The following GPC5 variants were observed in gnomAD, a reference collection of about 807,000 sequenced individuals.
The protein encoded by GPC5 is glypican 5.
GPC5 carries 47 observed loss-of-function variants against 53.9 expected under a neutral mutation model. That is an observed-to-expected ratio of 0.87 (90% CI 0.69 to 1.11). GPC5 has a LOEUF of 1.11. GPC5 is among the 50% of genes most tolerant of loss of function. GPC5 has a pLI of 0.00. For synonymous variants in GPC5, 286 were observed against 263.3 expected, an observed-to-expected ratio of 1.09 and a Z score of -0.84; for missense variants, 748 against 713.1, an observed-to-expected ratio of 1.05 and a Z score of -0.56.
Position 91,693,837 on chromosome 13 carries a change from G to T in GPC5, c.976G>T (p.Ala326Ser). The T allele has an allele frequency of 6.2e-7, 1 of 1,610,952 alleles. No individual in the cohort carries two copies. Residue 326 changes from alanine to serine, a missense_variant, in exon 3 of 8, where the codon GCT becomes TCT. Ala to Ser is a moderately conservative substitution (Grantham distance 99). Transcript: ENST00000377067. ...GAACTTTCACTTGCTTGTTAATGAT[G>T]CTGTGTTACAGGCTCACCTCAATGG... is the stretch of plus-strand genomic sequence containing the variant. ...LLNFHLLVND[A>S]VLQAHLNGQK...
intron 5 of GPC5, among the ~76,000 whole-genome samples, chr13:91,880,489 A>G (rs1484588110): frequency 6.6e-6 from 1 of 151,982 alleles, no homozygotes; most frequent in Non-Finnish European, 1.5e-5. Context: ...TTGCTGTACC[A>G]TTTTGAAGTT....
chr13:91,630,996 T>C (rs1265745343), intron 2 of GPC5, among the ~76,000 whole-genome samples: 1 of 152,174 alleles, frequency 6.6e-6, no homozygotes, highest in Non-Finnish European at 1.5e-5. Context: ...TGTCCCTCTC[T>C]GCCTGATTCT....
At chr13:91,958,961 C>G (rs1180855182) in intron 6 of GPC5, among the ~76,000 whole-genome samples, 4 of 151,480 alleles carry the variant, frequency 2.6e-5, no homozygotes, top group African/African-American at 9.7e-5. Flanking sequence ...TAATAATGCA[C>G]CTTGAGTAAC....
chr13:91,444,823 T>C (rs1472710069), intron 1 of GPC5, among the ~76,000 whole-genome samples: 1 of 152,146 alleles, frequency 6.6e-6, no homozygotes, highest in Non-Finnish European at 1.5e-5. Flanking sequence ...CATTTAATGA[T>C]TGAGGGGGCA....
chr13:92,286,307 C>T (rs1360529760), intron 7 of GPC5, among the ~76,000 whole-genome samples: 2 of 152,144 alleles, frequency 1.3e-5, no homozygotes, highest in Non-Finnish European at 2.9e-5. Context: ...ACTAGTTCAA[C>T]CATTGTGGAA....
At chr13:91,962,947 C>T (rs778989484) in intron 6 of GPC5, among the ~76,000 whole-genome samples, 15 of 152,040 alleles carry the variant, frequency 9.9e-5, no homozygotes, top group Admixed American at 2.0e-4. Flanking sequence ...TACCTATGTT[C>T]TCTAGTTTGT....
intron 7 of GPC5, among the ~76,000 whole-genome samples, chr13:92,530,313 G>C (rs1037777113): frequency 1.3e-5 from 2 of 152,104 alleles, no homozygotes; most frequent in Non-Finnish European, 2.9e-5. Flanking sequence ...ATTAGGGTCA[G>C]GGTGGAGGGG....
At chr13:92,424,703 C>CT (rs1331441221) in intron 7 of GPC5, among the ~76,000 whole-genome samples, 1 of 151,124 alleles carries the variant, frequency 6.6e-6, no homozygotes, top group Admixed American at 6.6e-5. Flanking sequence ...TTTTTGATTA[C>CT]TTTTATTTAG....
At chr13:92,737,620 A>G (rs1888970958) in intron 7 of GPC5, among the ~76,000 whole-genome samples, 2 of 151,920 alleles carry the variant, frequency 1.3e-5, no homozygotes, top group Non-Finnish European at 2.9e-5. Context: ...GGCACAGAAA[A>G]TTTGTTTTTA....
At chr13:91,680,242 C>A (rs565599475) in intron 2 of GPC5, among the ~76,000 whole-genome samples, 6 of 152,060 alleles carry the variant, frequency 3.9e-5, no homozygotes, top group Non-Finnish European at 7.4e-5. Flanking sequence ...TGAGGTCAGG[C>A]GTTCTAGACC....
chr13:91,902,963 A>G (rs367971906), intron 5 of GPC5, among the ~76,000 whole-genome samples: 1 of 151,996 alleles, frequency 6.6e-6, no homozygotes, highest in African/African-American at 2.4e-5. Flanking sequence ...GCTTTTTAAC[A>G]TAATTTTATA....
chr13:92,045,901 A>C lies in GPC5; in HGVS notation c.1402-98929A>C, dbSNP rs565982401. ...ATTTGCCTCATTCCAGAGGCTATGA[A>C]TATTCAGTTTAAAATTTCACCAATG... On this transcript the variant is annotated intron_variant, in intron 6 of 7. Transcript: ENST00000377067. Among the ~76,000 whole-genome samples the C allele has an allele frequency of 3.9e-5, 6 of 152,244 alleles. No homozygotes were observed. In the East Asian group the frequency reaches 1.2e-3, roughly 29 times the overall value.
intron 7 of GPC5, among the ~76,000 whole-genome samples, chr13:92,449,749 T>C (rs1211762461): frequency 2.0e-5 from 3 of 152,136 alleles, no homozygotes; most frequent in Non-Finnish European, 4.4e-5. Flanking sequence ...GACTTGAGTA[T>C]TACACTTTAA....
At chr13:91,449,098 G>T (rs1881004658) in intron 2 of GPC5, among the ~76,000 whole-genome samples, 176 bp downstream of exon 2, 1 of 152,058 alleles carries the variant, frequency 6.6e-6, no homozygotes, top group South Asian at 2.1e-4. Flanking sequence ...GTCATTGTGG[G>T]AGTATATACT....
chr13:92,338,512 C>T (rs894366749), intron 7 of GPC5, among the ~76,000 whole-genome samples: 5 of 152,086 alleles, frequency 3.3e-5, no homozygotes, highest in African/African-American at 1.2e-4. Flanking sequence ...GGTTGCTCTT[C>T]AGTAGGTAAA....
chr13:92,629,369 A>G (rs377397894), intron 7 of GPC5, among the ~76,000 whole-genome samples: 29 of 152,190 alleles, frequency 1.9e-4, no homozygotes, highest in East Asian at 1.4e-3. Context: ...TGAAGGTATC[A>G]GGTCTTAACT....
At chr13:92,577,271 C>T (rs1316389441) in intron 7 of GPC5, among the ~76,000 whole-genome samples, 1 of 152,146 alleles carries the variant, frequency 6.6e-6, no homozygotes, top group Non-Finnish European at 1.5e-5. Context: ...CTGCATTTCA[C>T]CAACCCATTA....
chr13:92,300,937 T>C (rs1215867813), intron 7 of GPC5, among the ~76,000 whole-genome samples: 2 of 152,220 alleles, frequency 1.3e-5, no homozygotes, highest in Non-Finnish European at 2.9e-5. Flanking sequence ...TTCCTTTTCA[T>C]TGAAAACTGG....
intron 6 of GPC5, among the ~76,000 whole-genome samples, chr13:91,935,913 G>A (rs929963352): frequency 6.6e-6 from 1 of 151,886 alleles, no homozygotes; most frequent in Non-Finnish European, 1.5e-5. Flanking sequence ...AAGTGACAAG[G>A]GAGTTGGGTC....
Sources: gnomAD v4.1 joint callset for allele counts (sites outside exome capture counted in the v4.1 genomes callset) on GRCh38, gnomAD v4.1.1 for gene constraint, MANE v1.5 for transcripts, NCBI Gene and HGNC (gene_info 2026-07-23, HGNC 2026-07-21) for gene names.